Variants in NDST4 observed in about 807,000 individuals in gnomAD.
The protein encoded by NDST4 is N-deacetylase and N-sulfotransferase 4, also known as N-heparan sulfate sulfotransferase 4.
Under a neutral mutation model 100.8 loss-of-function variants are expected in NDST4, and 63 were observed. The ratio of observed to expected loss-of-function variants is 0.62; its 90% CI spans 0.51 to 0.77. NDST4 has a LOEUF of 0.77. Among genes scored for constraint, NDST4 ranks in the 30% least tolerant of loss-of-function variants. The pLI is 0.00. For synonymous variants in NDST4, 377 were observed against 361.8 expected, an observed-to-expected ratio of 1.04 and a Z score of -0.48; for missense variants, 943 against 1,018.4, an observed-to-expected ratio of 0.93 and a Z score of 1.01.
Position 114,864,332 on chromosome 4 carries a change from C to T in NDST4, c.1719+6436G>A, listed in dbSNP as rs559108960. On this transcript the variant is annotated intron_variant, in intron 7 of 13. Coordinates refer to ENST00000264363, the MANE Select transcript of NDST4 (RefSeq NM_022569.3). ...CATTTCCCTTTTGGTATTCCCCTGA[C>T]GGTTTAAAGAAGAATGCTATAAAAG... Among the ~76,000 whole-genome samples the T allele has an allele frequency of 1.2e-4, 19 of 152,330 alleles. No individual in the cohort carries two copies. In the East Asian group the frequency reaches 3.3e-3, roughly 26 times the overall value.
intron 4 of NDST4, among the ~76,000 whole-genome samples, chr4:114,961,314 T>C (rs1053997564): frequency 6.6e-6 from 1 of 151,668 alleles, no homozygotes; most frequent in African/African-American, 2.4e-5. Context: ...GCGTATTAAA[T>C]ATAAAGCAAT....
chr4:114,890,632 C>T (rs1724573362), intron 6 of NDST4, among the ~76,000 whole-genome samples: 1 of 152,060 alleles, frequency 6.6e-6, no homozygotes, highest in African/African-American at 2.4e-5. Flanking sequence ...CAAGTGCTTT[C>T]CCAGTATGCC....
At chr4:115,068,823 A>T (rs1194008942) in intron 2 of NDST4, among the ~76,000 whole-genome samples, 1 of 151,782 alleles carries the variant, frequency 6.6e-6, no homozygotes, top group African/African-American at 2.4e-5. Context: ...CTCAAAAAAA[A>T]AAAAAAAAAG....
intron 4 of NDST4, among the ~76,000 whole-genome samples, chr4:114,959,868 G>T (rs1181626243): frequency 6.6e-6 from 1 of 151,984 alleles, no homozygotes; most frequent in Non-Finnish European, 1.5e-5. Flanking sequence ...AACACAAAGG[G>T]TATTCAAAAA....
At chr4:114,944,453 C>T (rs965937351) in intron 4 of NDST4, among the ~76,000 whole-genome samples, 11 of 152,168 alleles carry the variant, frequency 7.2e-5, no homozygotes, top group Admixed American at 5.9e-4. Context: ...ACCATCTGCA[C>T]TGTGTTTAGT....
chr4:115,071,707 CT>C (rs1729081947), intron 2 of NDST4, among the ~76,000 whole-genome samples: 1 of 151,446 alleles, frequency 6.6e-6, no homozygotes, highest in Non-Finnish European at 1.5e-5. Flanking sequence ...TGAAATTCTC[CT>C]TGTGCACTAG....
intron 7 of NDST4, among the ~76,000 whole-genome samples, chr4:114,865,351 C>T (rs1724005636): frequency 6.6e-6 from 1 of 152,186 alleles, no homozygotes; most frequent in Admixed American, 6.5e-5. Context: ...GAGTGAGCCA[C>T]TGCACCCAGC....
At chr4:115,108,940 A>G (rs1345812320) in intron 1 of NDST4, among the ~76,000 whole-genome samples, 1 of 151,676 alleles carries the variant, frequency 6.6e-6, no homozygotes, top group Non-Finnish European at 1.5e-5. Flanking sequence ...AAATGAATGG[A>G]AATAAAGGAA....
At chr4:115,039,073 A>T (rs1283621465) in intron 2 of NDST4, among the ~76,000 whole-genome samples, 1 of 151,056 alleles carries the variant, frequency 6.6e-6, no homozygotes, top group Non-Finnish European at 1.5e-5. Flanking sequence ...ATAAACTGAA[A>T]ATCGTGGACT....
intron 1 of NDST4, among the ~76,000 whole-genome samples, chr4:115,089,979 TG>T (rs1729483471): frequency 6.6e-6 from 1 of 151,820 alleles, no homozygotes; most frequent in African/African-American, 2.4e-5. Flanking sequence ...TTTTATATTT[TG>T]GTAAGCACAC....
chr4:114,836,356 C>A (rs1286761891), intron 11 of NDST4, among the ~76,000 whole-genome samples: 3 of 152,156 alleles, frequency 2.0e-5, no homozygotes, highest in African/African-American at 7.2e-5. Context: ...AATTCTATTT[C>A]TCTTTCGCTT....
chr4:115,083,928 A>G (rs181438801), intron 1 of NDST4, among the ~76,000 whole-genome samples: 1 of 152,290 alleles, frequency 6.6e-6, no homozygotes, highest in Non-Finnish European at 1.5e-5. Context: ...GAATGGACTA[A>G]TACACTAAGC....
chr4:114,910,630 G>A (rs1725044076), intron 6 of NDST4, among the ~76,000 whole-genome samples: 1 of 152,022 alleles, frequency 6.6e-6, no homozygotes, highest in Admixed American at 6.6e-5. Context: ...ATGCCATCTA[G>A]ATGCCAATAC....
At chr4:115,112,652 A>T (rs1729978644) in intron 1 of NDST4, among the ~76,000 whole-genome samples, 1 of 151,940 alleles carries the variant, frequency 6.6e-6, no homozygotes, top group Non-Finnish European at 1.5e-5. Flanking sequence ...ATTCTAAGAA[A>T]AATAAGGTTT....
At chr4:114,898,823 T>G (rs1724771422) in intron 6 of NDST4, among the ~76,000 whole-genome samples, 1 of 152,206 alleles carries the variant, frequency 6.6e-6, no homozygotes, top group Admixed American at 6.5e-5. Flanking sequence ...AAATTCCATT[T>G]GTTTATTGCT....
intron 6 of NDST4, among the ~76,000 whole-genome samples, chr4:114,904,516 C>A (rs533781600): frequency 1.3e-5 from 2 of 151,910 alleles, no homozygotes; most frequent in Admixed American, 1.3e-4. Flanking sequence ...GCTTAAAAGT[C>A]ATAGAATAGA....
chr4:114,833,526 T>C lies in NDST4; in HGVS notation c.2396+80A>G, dbSNP rs1723245402. On this transcript the variant is annotated intron_variant, in intron 12 of 13. Coordinates refer to ENST00000264363, the MANE Select transcript of NDST4 (RefSeq NM_022569.3). ...ATGTATAAATTCTAGCTAGTATTAA[T>C]GATGTTATATACACACCTACCAGTG... 5 of 851,256 alleles carry C rather than the reference T, an allele frequency of 5.9e-6. No individual in the cohort carries two copies. In the South Asian group the frequency reaches 7.4e-5, roughly 13 times the overall value. The allele number at this position is 851,256 out of a possible 1,614,324, so 52.7% of individuals were successfully genotyped here.
chr4:114,893,277 G>T (rs1724639048), intron 6 of NDST4, among the ~76,000 whole-genome samples: 1 of 152,138 alleles, frequency 6.6e-6, no homozygotes, highest in African/African-American at 2.4e-5. Context: ...GGATTGCTGG[G>T]TCAAATGGTA....
rs780116580 is a variant in NDST4, at chr4:114,845,974, G to C, written c.1964C>G (p.Pro655Arg). Residue 655 changes from proline to arginine, a missense_variant, in exon 10 of 14, where the codon CCA (proline) becomes CGA (arginine). Transcript: ENST00000264363. ...IDWYMDFFPTPSNTTSDFLFE... is the reference protein window; with the variant it reads ...IDWYMDFFPTRSNTTSDFLFE... ...CAGAAAGTCACTTGTAGTATTGGAT[G>C]GTGTAGGGAAAAAGTCCATATACCT... is the stretch of plus-strand genomic sequence containing the variant. The C allele has an allele frequency of 5.6e-6, 9 of 1,608,934 alleles. No homozygotes were observed. Among genetic ancestry groups the C allele is most frequent in the Non-Finnish European group, 7.7e-6 (9 of 1,176,212 alleles).
Sources: gnomAD v4.1 joint callset for allele counts (sites outside exome capture counted in the v4.1 genomes callset) on GRCh38, gnomAD v4.1.1 for gene constraint, MANE v1.5 for transcripts, NCBI Gene and HGNC (gene_info 2026-07-23, HGNC 2026-07-21) for gene names.